TMEM145: variants seen among roughly 807,000 people sequenced by gnomAD.
TMEM145 encodes transmembrane protein 145.
TMEM145 carries 46 observed loss-of-function variants against 68.5 expected under a neutral mutation model. The observed-to-expected ratio is 0.67, with a 90% CI of 0.53 to 0.86. TMEM145 has a LOEUF of 0.86. Among genes scored for constraint, TMEM145 ranks in the 40% least tolerant of loss-of-function variants. TMEM145 has a pLI of 0.00. For synonymous variants in TMEM145, 255 were observed against 280.2 expected (o/e 0.91, Z 0.90); for missense variants, 570 against 645.8 (o/e 0.88, Z 1.27).
intron 11 of TMEM145, among the ~76,000 whole-genome samples, chr19:42,317,202 C>T (rs1568547597): frequency 6.6e-6 from 1 of 152,174 alleles, no homozygotes; most frequent in Non-Finnish European, 1.5e-5. Flanking sequence ...TGCTCAATAT[C>T]GTGACTAAGA....
chr19:42,317,772 C>A lies in TMEM145; in HGVS notation c.964C>A (p.Leu322Met). The change falls in exon 12 of 15, where the codon CTG becomes ATG. Residue 322 changes from leucine to methionine, a missense_variant. Leu to Met is a conservative substitution (Grantham distance 15, BLOSUM62 2). Transcript: ENST00000301204. ...ESPAGYGLIG[L>M]QVAAYVWFCY... is the part of the protein sequence containing the mutation. ...GCCGGCCGGCTACGGGCTCATTGGA[C>A]TGCAGGTGGCGGCCTACGTGTGGTT... is the stretch of plus-strand genomic sequence containing the variant. The A allele has an allele frequency of 6.2e-7, 1 of 1,614,210 alleles. No individual in the cohort carries two copies.
intron 12 of TMEM145, 33 bp from the exon 13 acceptor site, chr19:42,320,284 A>G: frequency 1.2e-6 from 2 of 1,612,264 alleles, no homozygotes; most frequent in African/African-American, 1.3e-5. Context: ...GGACAGGAGC[A>G]GTGTCTCTAC....
intron 8 of TMEM145, 69 bp downstream of exon 8, chr19:42,315,509 A>G (rs1180112359): frequency 1.7e-5 from 26 of 1,509,788 alleles, no homozygotes; most frequent in Non-Finnish European, 2.3e-5. Context: ...CCTGGGCCTA[A>G]GAGGAATGCC....
Position 42,317,719 on chromosome 19 carries a change from C to T in TMEM145, c.911C>T (p.Pro304Leu). Residue 304 changes from proline to leucine, a missense_variant, in exon 12 of 15, where the codon CCA (proline) becomes CTA (leucine). Physicochemically the swap from Pro to Leu is moderately conservative, Grantham distance 98. Transcript: ENST00000301204. ...CTCCTGCGGGTCTAGTTCTTTGACC[C>T]AGGCCAGGTACTGTACACGTATGAG... Reference protein sequence around the residue: ...LLIYEAEFFDPGQVLYTYESP... With the variant: ...LLIYEAEFFDLGQVLYTYESP... The T allele has an allele frequency of 1.2e-6, 2 of 1,614,138 alleles. No homozygotes were observed. Among genetic ancestry groups the T allele is most frequent in the Non-Finnish European group, 1.7e-6 (2 of 1,179,994 alleles).
intron 8 of TMEM145, 85 bp downstream of exon 8, chr19:42,315,525 G>A (rs1208187735): frequency 1.4e-6 from 2 of 1,449,570 alleles, no homozygotes; most frequent in Non-Finnish European, 1.9e-6. Flanking sequence ...ATGCCTGGGG[G>A]CCTGGACTCC....
chr19:42,317,624 T>A, intron 11 of TMEM145, 85 bp from the exon 12 acceptor site: 1 of 1,378,648 alleles, frequency 7.3e-7, no homozygotes, highest in Non-Finnish European at 1.0e-6. Context: ...AGTACCTCTG[T>A]TCCCAAGTGC....
rs1050079180 is a variant in TMEM145 at position 42,313,537 on chromosome 19, G to C, written c.120+41G>C. 1 of 1,249,430 alleles carries C rather than the reference G, an allele frequency of 8.0e-7. No individual in the cohort carries two copies. Among genetic ancestry groups the C allele is most frequent in the Non-Finnish European group, 1.0e-6 (1 of 989,934 alleles). The allele number at this position is 1,249,430 out of a possible 1,614,324, so 77.4% of individuals were successfully genotyped here. A position where few individuals can be genotyped will look rare whatever the true frequency, so the allele number is the denominator to read the frequency against. The stretch of plus-strand genomic sequence containing the variant: ...CCTCCTCTGCGGCCCGCCGGCCCCC[G>C]GGGGACGCAAGGGAGGCGAGGGGAG... On this transcript the variant is annotated intron_variant, in intron 1 of 14. Coordinates refer to ENST00000301204, the MANE Select transcript of TMEM145 (RefSeq NM_173633.3). The surrounding 1 kb of genome is among the most constrained non-coding windows in gnomAD (Gnocchi z 5.1).
Position 42,316,927 on chromosome 19 carries a change from G to T in TMEM145, c.864G>T (p.Thr288=). The T allele has an allele frequency of 2.5e-6, 4 of 1,613,748 alleles. No homozygotes were observed. The highest frequency in any genetic ancestry group is 1.1e-5 in the South Asian group (1 of 91,080). ...TGTCTGTCTACATGACCCTGTACAC[G>T]CTCACCCATGTGGTGCTGCTCATCT... ...VKLSVYMTLY[T]LTHVVLLIYE... is the part of the protein sequence containing the mutation. The change falls in exon 11 of 15, where the codon ACG becomes ACT. Residue 288 remains threonine, a synonymous_variant. Transcript: ENST00000301204.
chr19:42,324,950 G>C lies in TMEM145; in HGVS notation c.*133G>C, dbSNP rs2038957849. ...AACCCTCCCTCGGATCTGTGACCTC[G>C]GACCCGTACTCCATCTGCCGCATCT... On this transcript the variant is annotated 3_prime_UTR_variant, in exon 15 of 15. Coordinates refer to ENST00000301204, the MANE Select transcript of TMEM145 (RefSeq NM_173633.3). 1 of 1,287,098 alleles carries C rather than the reference G, an allele frequency of 7.8e-7. No individual in the cohort carries two copies. The highest frequency in any genetic ancestry group is 1.6e-5 in the African/African-American group (1 of 64,466). The allele number at this position is 1,287,098 out of a possible 1,614,324, so 79.7% of individuals were successfully genotyped here.
chr19:42,316,648 C>T lies in TMEM145; in HGVS notation c.728-14C>T, dbSNP rs762906172. ...GAGCCTGGCTCTGAGCCGCCCCCTC[C>T]TCCCTTCTCCCAGCCAAGCTGCTCT... On this transcript the variant is annotated splice_polypyrimidine_tract_variant and intron_variant, in intron 9 of 14. Transcript: ENST00000301204. The T allele has an allele frequency of 1.9e-6, 3 of 1,613,944 alleles. No homozygotes were observed. The highest frequency in any genetic ancestry group is 1.7e-6 in the Non-Finnish European group (2 of 1,179,946).
At chr19:42,324,621 C>T in intron 14 of TMEM145, 116 bp from the exon 15 acceptor site, 2 of 1,237,948 alleles carry the variant, frequency 1.6e-6, no homozygotes, top group South Asian at 3.5e-5. Flanking sequence ...CGCCCATCCC[C>T]GGCCTTCCCG....
intron 10 of TMEM145, 34 bp downstream of exon 10, chr19:42,316,774 G>GT: frequency 1.2e-6 from 2 of 1,611,706 alleles, no homozygotes; most frequent in Non-Finnish European, 1.7e-6. Context: ...GGGGCGGCTG[G>GT]TGGGGGAGCA....
Position 42,323,700 on chromosome 19 carries a change from C to T in TMEM145, c.1312C>T (p.Pro438Ser). The change falls in exon 14 of 15, where the codon CCG becomes TCG. Residue 438 changes from proline to serine, a missense_variant. Transcript: ENST00000301204. Reference sequence around the variant, plus strand: ...GAGCCAATCCGCTGACAAGGCCTTCCCGCAGCACGTCTATGGGAACGTGAC... The same window carrying T: ...GAGCCAATCCGCTGACAAGGCCTTCTCGCAGCACGTCTATGGGAACGTGAC... ...GGSQSADKAFPQHVYGNVTFI... is the reference protein window; with the variant it reads ...GGSQSADKAFSQHVYGNVTFI... 1 of 1,614,204 alleles carries T rather than the reference C, an allele frequency of 6.2e-7. No homozygotes were observed. The highest frequency in any genetic ancestry group is 8.5e-7 in the Non-Finnish European group (1 of 1,180,024).
chr19:42,316,018 A>G (rs1048905101), intron 8 of TMEM145, among the ~76,000 whole-genome samples: 8 of 151,740 alleles, frequency 5.3e-5, no homozygotes, highest in African/African-American at 1.9e-4. Flanking sequence ...TGACAGAGAG[A>G]GACTCTGTCT....
At chr19:42,323,424 G>A (rs567646263) in intron 13 of TMEM145, among the ~76,000 whole-genome samples, 159 bp from the exon 14 acceptor site, 1 of 152,342 alleles carries the variant, frequency 6.6e-6, no homozygotes, top group East Asian at 1.9e-4. Context: ...AGGGTCCAGG[G>A]CATTTGGAGA....
chr19:42,317,604 G>A lies in TMEM145; in HGVS notation c.901-105G>A, dbSNP rs924127069. 5.5e-6 allele frequency: 6 copies of A among 1,090,588 alleles called. No homozygotes were observed. In the African/African-American group the frequency reaches 7.9e-5, roughly 14 times the overall value. The allele number at this position is 1,090,588 out of a possible 1,614,324, so 67.6% of individuals were successfully genotyped here. A position where few individuals can be genotyped will look rare whatever the true frequency, so the allele number is the denominator to read the frequency against. ...CGTGCCTGGCTCTCCTGTTGCTTGT[G>A]TTCTGACCGAGTACCTCTGTTCCCA... is the stretch of plus-strand genomic sequence containing the variant. On this transcript the variant is annotated intron_variant, in intron 11 of 14. Transcript: ENST00000301204.
chr19:42,314,684 C>T lies in TMEM145; in HGVS notation c.345C>T (p.Ala115=). The change falls in exon 4 of 15, where the codon GCC becomes GCT. Residue 115 remains alanine (A), a synonymous_variant. Coordinates refer to ENST00000301204, the MANE Select transcript of TMEM145 (RefSeq NM_173633.3). The part of the protein sequence containing the change: ...NQVINLTTQY[A]WSGCQVVSEE... ...TCATCAACCTCACCACCCAGTATGC[C>T]TGGTCCGGCTGTCAGGTGCAGGCTC... 1 of 1,614,202 alleles carries T rather than the reference C, an allele frequency of 6.2e-7. No individual in the cohort carries two copies. Among genetic ancestry groups the T allele is most frequent in the Non-Finnish European group, 8.5e-7 (1 of 1,180,030 alleles).
chr19:42,324,367 C>T, intron 14 of TMEM145: 2 of 985,320 alleles, frequency 2.0e-6, no homozygotes, highest in African/African-American at 3.5e-5. Flanking sequence ...GCGCAGCCTC[C>T]CCCCCACTTC....
At chr19:42,314,901 G>C in intron 5 of TMEM145, 50 bp downstream of exon 5, 4 of 1,614,122 alleles carry the variant, frequency 2.5e-6, no homozygotes, top group Non-Finnish European at 3.4e-6. Flanking sequence ...GGGGTAAGGG[G>C]CTGGGGTGGC....
Sources: gnomAD v4.1 joint callset for allele counts (sites outside exome capture counted in the v4.1 genomes callset) on GRCh38, gnomAD v4.1.1 for gene constraint, Gnocchi (gnomAD v3.1) non-coding constraint, MANE v1.5 for transcripts, NCBI Gene and HGNC (gene_info 2026-07-23, HGNC 2026-07-21) for gene names.